HDHD2: variants seen among roughly 807,000 people sequenced by gnomAD.
HDHD2 encodes the protein haloacid dehalogenase-like hydrolase domain-containing protein 2.
A neutral mutation model predicts 24.8 loss-of-function variants in HDHD2; 26 were observed. That is an observed-to-expected ratio of 1.05 (90% CI 0.77 to 1.45). The LOEUF is 1.45. Ranked by LOEUF, HDHD2 falls within the 40% of genes most tolerant of loss-of-function variation. HDHD2 has a pLI of 0.00. For missense variants in HDHD2, 299 were observed against 313.4 expected (o/e 0.95, Z 0.35); for synonymous variants, 128 against 114.9 (o/e 1.11, Z -0.73).
At chr18:47,125,268 A>G (rs886520968) in intron 4 of HDHD2, among the ~76,000 whole-genome samples, 1 of 152,206 alleles carries the variant, frequency 6.6e-6, no homozygotes, top group Non-Finnish European at 1.5e-5. Context: ...GAGCATTGGA[A>G]CTCTCATTTG....
intron 1 of HDHD2, 87 bp downstream of exon 1, chr18:47,150,291 T>C (rs2063918593): frequency 6.6e-6 from 1 of 152,546 alleles, no homozygotes; most frequent in Non-Finnish European, 1.5e-5. Context: ...GGGGCGCCAC[T>C]AGTAGTTCCC....
chr18:47,121,267 A>G (rs2063604019), intron 4 of HDHD2, among the ~76,000 whole-genome samples: 2 of 152,178 alleles, frequency 1.3e-5, no homozygotes. Context: ...AACACCTACC[A>G]TATGTCCAAC....
rs1599955156 is a variant in HDHD2 at position 47,137,293 on chromosome 18, G to A, written c.-10-844C>T. 9.0e-6 allele frequency: 4 copies of A among 444,052 alleles called. No homozygotes were observed. In the East Asian group the frequency reaches 2.0e-4, roughly 22 times the overall value. The allele number at this position is 444,052 out of a possible 1,614,324, so 27.5% of individuals were successfully genotyped here. ...TGGATGTGTTCCAGTAGCAGACGAG[G>A]TGTCTAGCGAAAAGGGAACCTGCTT... On this transcript the variant is annotated intron_variant, in intron 1 of 6. Coordinates refer to ENST00000300605, the MANE Select transcript of HDHD2 (RefSeq NM_032124.5).
intron 4 of HDHD2, among the ~76,000 whole-genome samples, chr18:47,125,933 C>T (rs1437969098): frequency 6.6e-6 from 1 of 152,158 alleles, no homozygotes; most frequent in Admixed American, 6.5e-5. Flanking sequence ...TTCACGTAAA[C>T]AAATCATATT....
chr18:47,130,535 G>A (rs1599945510), intron 3 of HDHD2, among the ~76,000 whole-genome samples: 1 of 152,286 alleles, frequency 6.6e-6, no homozygotes, highest in Admixed American at 6.5e-5. Flanking sequence ...GAGGGAAAAA[G>A]AGAGAAAATC....
In HDHD2 at chr18:47,130,212, T is replaced by C. The variant is rs777611220; in HGVS notation, c.395+32A>G. The C allele has an allele frequency of 1.3e-5, 17 of 1,302,050 alleles. No homozygotes were observed. In the South Asian group the frequency reaches 1.4e-4, roughly 10 times the overall value. 80.7% of individuals were successfully genotyped at this position (1,302,050 alleles called of 1,614,324 possible). A position where few individuals can be genotyped will look rare whatever the true frequency, so the allele number is the denominator to read the frequency against. ...AAGGAAAGGAAGAAGGGAACTATTA[T>C]GATCAGATGAAAAATAAATAGCTAG... On this transcript the variant is annotated intron_variant, in intron 4 of 6. Transcript: ENST00000300605.
At chr18:47,117,443 T>C (rs62096471) in intron 4 of HDHD2, among the ~76,000 whole-genome samples, 10,339 of 152,176 alleles carry the variant, frequency 0.068, 433 homozygotes, top group East Asian at 0.13. Flanking sequence ...TTCCCTCTCT[T>C]GTGTGCGTGC....
intron 4 of HDHD2, among the ~76,000 whole-genome samples, chr18:47,120,760 G>A (rs1192822572): frequency 1.3e-5 from 2 of 152,094 alleles, no homozygotes; most frequent in African/African-American, 4.8e-5. Context: ...ACACTCAGGG[G>A]CCACTGTAGG....
chr18:47,135,443 T>C (rs1006846375), intron 2 of HDHD2, among the ~76,000 whole-genome samples: 1 of 152,176 alleles, frequency 6.6e-6, no homozygotes, highest in East Asian at 1.9e-4. Flanking sequence ...GTATTTTTAG[T>C]AGAGACGGTG....
chr18:47,128,442 T>G (rs1213761704), intron 4 of HDHD2, among the ~76,000 whole-genome samples: 1 of 152,250 alleles, frequency 6.6e-6, no homozygotes, highest in Admixed American at 6.5e-5. Flanking sequence ...GATATTGGTA[T>G]AGTTGTAGAA....
intron 1 of HDHD2, among the ~76,000 whole-genome samples, 193 bp from the exon 2 acceptor site, chr18:47,136,642 G>GT (rs144963110): frequency 0.013 from 1,837 of 142,976 alleles, 14 homozygotes; most frequent in African/African-American, 0.027. Context: ...CAATACTTAG[G>GT]TTTTTTTTTA....
intron 1 of HDHD2, among the ~76,000 whole-genome samples, chr18:47,146,111 C>A (rs970091259): frequency 1.3e-5 from 2 of 151,880 alleles, no homozygotes; most frequent in African/African-American, 2.4e-5. Flanking sequence ...CACCTGTAAT[C>A]CCAGCTACTC....
chr18:47,123,044 A>T (rs1480357042), intron 4 of HDHD2, among the ~76,000 whole-genome samples: 1 of 152,188 alleles, frequency 6.6e-6, no homozygotes, highest in African/African-American at 2.4e-5. Flanking sequence ...TTAGGAGTGC[A>T]CTAGGAGTCC....
At chr18:47,112,895 C>G in intron 6 of HDHD2, 82 bp downstream of exon 6, 1 of 1,175,422 alleles carries the variant, frequency 8.5e-7, no homozygotes, top group Non-Finnish European at 1.3e-6. Context: ...AGGGCTCTGC[C>G]ATTTCTGCAA....
At chr18:47,124,525 G>A (rs1021078597) in intron 4 of HDHD2, among the ~76,000 whole-genome samples, 9 of 151,804 alleles carry the variant, frequency 5.9e-5, no homozygotes, top group East Asian at 2.0e-4. Flanking sequence ...TGACCAACAC[G>A]GAGAAACCCT....
intron 3 of HDHD2, 98 bp downstream of exon 3, chr18:47,134,398 G>A (rs757541378): frequency 2.3e-5 from 20 of 857,052 alleles, no homozygotes; most frequent in Non-Finnish European, 3.2e-5. Context: ...CAAGAAAAAC[G>A]GGGAAATCAG....
chr18:47,107,686 T>C lies in HDHD2; in HGVS notation c.*996A>G, dbSNP rs2063485688. On this transcript the variant is annotated 3_prime_UTR_variant, in exon 7 of 7. Coordinates refer to ENST00000300605, the MANE Select transcript of HDHD2 (RefSeq NM_032124.5). The stretch of plus-strand genomic sequence containing the variant: ...GGTTTAACATGAGAAGAATAATCCA[T>C]GCTACAAGACGAGATTTCATTTTAC... The C allele has an allele frequency of 1.3e-5, 2 of 152,532 alleles. No individual in the cohort carries two copies. Among genetic ancestry groups the C allele is most frequent in the Admixed American group, 6.5e-5 (1 of 15,284 alleles). 9.4% of individuals were successfully genotyped at this position (152,532 alleles called of 1,614,324 possible).
At chr18:47,142,113 T>A (rs977829307) in intron 1 of HDHD2, among the ~76,000 whole-genome samples, 1 of 152,234 alleles carries the variant, frequency 6.6e-6, no homozygotes, top group Non-Finnish European at 1.5e-5. Context: ...ACATCTTTCC[T>A]GTATAAATTA....
At chr18:47,118,682 G>T (rs984859836) in intron 4 of HDHD2, among the ~76,000 whole-genome samples, 1 of 152,142 alleles carries the variant, frequency 6.6e-6, no homozygotes, top group Non-Finnish European at 1.5e-5. Context: ...CATGGCACAC[G>T]TTTACCTATG....
Sources: allele counts gnomAD v4.1 joint callset (sites outside exome capture counted in the v4.1 genomes callset), GRCh38; gene constraint gnomAD v4.1.1; transcripts MANE v1.5; gene names NCBI Gene and HGNC (gene_info 2026-07-23, HGNC 2026-07-21).